The following GALNTL6 variants were observed in gnomAD, a reference collection of about 807,000 sequenced individuals.
GALNTL6 encodes polypeptide N-acetylgalactosaminyltransferase-like 6.
Under a neutral mutation model 73.7 loss-of-function variants are expected in GALNTL6, and 46 were observed. That is an observed-to-expected ratio of 0.62 (90% CI 0.49 to 0.80). The LOEUF (loss-of-function observed/expected upper bound fraction) is 0.80, where lower values mean the gene tolerates loss of function less well. Among genes scored for constraint, GALNTL6 ranks in the 30% least tolerant of loss-of-function variants. The pLI is 0.00. For synonymous variants in GALNTL6, 259 were observed against 263.7 expected (o/e 0.98, Z 0.17); for missense variants, 604 against 755.0 (o/e 0.80, Z 2.34).
At chr4:173,010,654 G>C (rs976093886) in intron 11 of GALNTL6, among the ~76,000 whole-genome samples, 1 of 151,936 alleles carries the variant, frequency 6.6e-6, no homozygotes, top group African/African-American at 2.4e-5. Context: ...GAGTGCAGTG[G>C]CGCAATCTCG....
At chr4:171,982,027 T>C (rs34039621) in intron 2 of GALNTL6, among the ~76,000 whole-genome samples, 72,240 of 151,872 alleles carry the variant, frequency 0.48, 18,333 homozygotes, top group Admixed American at 0.59. Flanking sequence ...TTATAGTCAG[T>C]CTATTAAGGA....
At chr4:172,793,401 C>T (rs1740101557) in intron 5 of GALNTL6, among the ~76,000 whole-genome samples, 1 of 152,086 alleles carries the variant, frequency 6.6e-6, no homozygotes, top group African/African-American at 2.4e-5. Context: ...AAAACACTAG[C>T]AATGCAGGGC....
intron 12 of GALNTL6, among the ~76,000 whole-genome samples, chr4:173,033,411 G>C (rs1317291285): frequency 6.6e-6 from 1 of 151,448 alleles, no homozygotes; most frequent in Non-Finnish European, 1.5e-5. Context: ...AATGGAAAAG[G>C]GTAGACAAAA....
At chr4:172,008,918 AAC>A (rs1258379336) in intron 2 of GALNTL6, among the ~76,000 whole-genome samples, 7 of 152,236 alleles carry the variant, frequency 4.6e-5, no homozygotes, top group Non-Finnish European at 1.0e-4. Context: ...TTTAAAAAGA[AAC>A]AAAAAGTTAC....
At chr4:172,121,987 T>C (rs1733163203) in intron 2 of GALNTL6, among the ~76,000 whole-genome samples, 1 of 151,882 alleles carries the variant, frequency 6.6e-6, no homozygotes, top group African/African-American at 2.4e-5. Context: ...TGGCCTATTT[T>C]CTTACTTTTT....
At chr4:172,975,757 G>T (rs1404004877) in intron 10 of GALNTL6, among the ~76,000 whole-genome samples, 1 of 152,180 alleles carries the variant, frequency 6.6e-6, no homozygotes, top group Non-Finnish European at 1.5e-5. Flanking sequence ...GGAGGAGCCT[G>T]GCATGTCAGT....
intron 5 of GALNTL6, among the ~76,000 whole-genome samples, chr4:172,606,431 G>A (rs1738264005): frequency 1.4e-5 from 2 of 143,598 alleles, no homozygotes; most frequent in South Asian, 2.2e-4. Flanking sequence ...TCCAGCGTGG[G>A]CAACAGGAGC....
chr4:171,901,366 T>C (rs1328425602), intron 2 of GALNTL6, among the ~76,000 whole-genome samples: 2 of 152,136 alleles, frequency 1.3e-5, no homozygotes, highest in South Asian at 4.1e-4. Context: ...AGAACATACA[T>C]GAACCTTTCC....
intron 2 of GALNTL6, among the ~76,000 whole-genome samples, chr4:171,875,613 T>C (rs1215964472): frequency 6.6e-6 from 1 of 152,072 alleles, no homozygotes. Context: ...CTTATGTATC[T>C]CTTAGAATTC....
intron 5 of GALNTL6, among the ~76,000 whole-genome samples, chr4:172,620,715 A>G (rs1398452312): frequency 6.6e-6 from 1 of 152,190 alleles, no homozygotes; most frequent in Non-Finnish European, 1.5e-5. Flanking sequence ...CGAGTGTTGC[A>G]GAGAGGGTCT....
Position 171,988,780 on chromosome 4 carries a change from A to G in GALNTL6, c.138+174062A>G, listed in dbSNP as rs544079438. Among the ~76,000 whole-genome samples the G allele has an allele frequency of 2.7e-3, 412 of 152,198 alleles. 2 individuals are homozygous for G. Among genetic ancestry groups the G allele is most frequent in the East Asian group, 4.8e-3 (25 of 5,170 alleles). ...GCGTGCAGTGGGATGGGATATTGGC[A>G]TTGAGCCGGGTAAGAGTGATTAAGT... On this transcript the variant is annotated intron_variant, in intron 2 of 12. Coordinates refer to ENST00000506823, the MANE Select transcript of GALNTL6 (RefSeq NM_001034845.3).
At chr4:172,704,066 T>C (rs1449723235) in intron 5 of GALNTL6, among the ~76,000 whole-genome samples, 1 of 151,978 alleles carries the variant, frequency 6.6e-6, no homozygotes, top group Non-Finnish European at 1.5e-5. Context: ...CTAATTTTAT[T>C]TATTTGGGTT....
intron 5 of GALNTL6, among the ~76,000 whole-genome samples, chr4:172,525,395 T>A (rs1734917124): frequency 6.6e-6 from 1 of 152,222 alleles, no homozygotes. Flanking sequence ...TCAACAATTT[T>A]TTTTTAAATT....
chr4:172,053,715 G>A (rs1393873851), intron 2 of GALNTL6, among the ~76,000 whole-genome samples: 1 of 152,070 alleles, frequency 6.6e-6, no homozygotes, highest in East Asian at 1.9e-4. Flanking sequence ...AAACAAATGA[G>A]CTGTGTCTAT....
chr4:172,341,217 C>G (rs922313035), intron 4 of GALNTL6, among the ~76,000 whole-genome samples: 8 of 151,624 alleles, frequency 5.3e-5, no homozygotes, highest in African/African-American at 1.9e-4. Flanking sequence ...TTTGGGAGGC[C>G]GAGGCGGGCG....
chr4:171,891,945 T>A (rs1736774167), intron 2 of GALNTL6, among the ~76,000 whole-genome samples: 1 of 152,204 alleles, frequency 6.6e-6, no homozygotes, highest in African/African-American at 2.4e-5. Context: ...GCATCTGTAA[T>A]TCAAAAATCC....
At chr4:172,584,233 GA>G (rs1737317844) in intron 5 of GALNTL6, among the ~76,000 whole-genome samples, 2 of 152,144 alleles carry the variant, frequency 1.3e-5, no homozygotes. Context: ...CTTCCCAAAG[GA>G]AGCAGAATGA....
In GALNTL6 at chr4:172,311,656, AC is replaced by A; in HGVS notation, c.292del (p.His98MetfsTer21). The A allele has an allele frequency of 6.2e-7, 1 of 1,612,260 alleles. No homozygotes were observed. The highest frequency in any genetic ancestry group is 8.5e-7 in the Non-Finnish European group (1 of 1,178,798). ...AAACCTTACCCCCTTACTGAAGAGG[AC>A]CATGATGACTCAGCTTACAGGGAAA... is the stretch of plus-strand genomic sequence containing the variant. ...HGKPYPLTEE[D>X]HDDSAYRENG... is the part of the protein sequence containing the mutation. On this transcript the variant is annotated frameshift_variant, in exon 4 of 13. Transcript: ENST00000506823. LOFTEE classifies it high-confidence loss of function.
At chr4:172,235,536 A>G (rs747607088) in intron 3 of GALNTL6, among the ~76,000 whole-genome samples, 21 of 152,102 alleles carry the variant, frequency 1.4e-4, no homozygotes, top group Middle Eastern at 3.2e-3. Flanking sequence ...GAGTTATTTC[A>G]AAAGCCAGTT....
Sources: allele counts gnomAD v4.1 joint callset (sites outside exome capture counted in the v4.1 genomes callset), GRCh38; gene constraint gnomAD v4.1.1; transcripts MANE v1.5; gene names NCBI Gene and HGNC (gene_info 2026-07-23, HGNC 2026-07-21).